The following WFDC5 variants were observed in gnomAD, a reference collection of about 807,000 sequenced individuals.
WFDC5 encodes WAP four-disulfide core domain 5.
In WFDC5, 15 loss-of-function variants were observed where a neutral mutation model predicts 15.7. The ratio of observed to expected loss-of-function variants is 0.96; its 90% confidence interval spans 0.64 to 1.47. The LOEUF is 1.47. Ranked by LOEUF, WFDC5 falls within the 40% of genes most tolerant of loss-of-function variation. WFDC5 has a pLI of 0.00. For missense variants in WFDC5, 280 were observed against 258.0 expected, an observed-to-expected ratio of 1.09 and a Z score of -0.59; for synonymous variants, 109 against 107.7, an observed-to-expected ratio of 1.01 and a Z score of -0.07.
chr20:45,115,016 A>G, exon 1 of WFDC5: 1 of 1,613,710 alleles, frequency 6.2e-7, no homozygotes, highest in Non-Finnish European at 8.5e-7. Flanking sequence ...CTTCCTGCCA[A>G]AGACAGCAGG....
At chr20:45,112,514 C>T (rs1190659939) in intron 1 of WFDC5, among the ~76,000 whole-genome samples, 1 of 152,170 alleles carries the variant, frequency 6.6e-6, no homozygotes, top group Non-Finnish European at 1.5e-5. Context: ...CCTGCCTTTC[C>T]TAACAGTCCC....
chr20:45,110,458 C>A (rs768012579), exon 3 of WFDC5: 3 of 1,613,824 alleles, frequency 1.9e-6, no homozygotes, highest in Non-Finnish European at 2.5e-6. Flanking sequence ...GCTTTTTGCC[C>A]GAGCAGTCTG....
At chr20:45,110,860 T>A in intron 1 of WFDC5, 85 bp from the exon 2 acceptor site, 1 of 1,553,158 alleles carries the variant, frequency 6.4e-7, no homozygotes. Flanking sequence ...AAGACTGAAT[T>A]CTCCATCCCT....
chr20:45,115,140 G>A (rs1981726824), exon 1 of WFDC5: 4 of 1,541,888 alleles, frequency 2.6e-6, no homozygotes, highest in Middle Eastern at 1.7e-4. Context: ...GCAGCCTCAG[G>A]GAAGCCAGAG....
At chr20:45,115,229 C>G (rs1981732469), upstream of WFDC5, 3 of 677,606 alleles carry the variant, frequency 4.4e-6, no homozygotes, top group Non-Finnish European at 4.9e-6. Flanking sequence ...CCCCTGAGGG[C>G]CCGAGGACTC....
intron 1 of WFDC5, among the ~76,000 whole-genome samples, chr20:45,113,762 G>A (rs1981681690): frequency 1.3e-5 from 2 of 152,080 alleles, no homozygotes; most frequent in Non-Finnish European, 2.9e-5. Flanking sequence ...GCATTGTCCT[G>A]TACAGTCCTG....
exon 1 of WFDC5, chr20:45,115,063 G>A: frequency 6.2e-7 from 1 of 1,613,356 alleles, no homozygotes; most frequent in Non-Finnish European, 8.5e-7. Flanking sequence ...CCCCCAGGAG[G>A]AGAAGGCTCT....
At chr20:45,114,817 A>G (rs1196710036) in intron 1 of WFDC5, among the ~76,000 whole-genome samples, 182 bp downstream of exon 1, 3 of 151,978 alleles carry the variant, frequency 2.0e-5, no homozygotes, top group Non-Finnish European at 4.4e-5. Flanking sequence ...GTACACACAT[A>G]AAAACACAGG....
intron 1 of WFDC5, 104 bp downstream of exon 1, chr20:45,114,895 A>C (rs1263492633): frequency 1.4e-5 from 18 of 1,242,102 alleles, no homozygotes; most frequent in Middle Eastern, 3.8e-4. Flanking sequence ...ACACACGCGC[A>C]CACACACCCC....
upstream of WFDC5, among the ~76,000 whole-genome samples, chr20:45,116,091 C>T (rs760365325): frequency 5.9e-4 from 90 of 152,188 alleles, no homozygotes; most frequent in Non-Finnish European, 1.1e-3. Flanking sequence ...CACCCTCATT[C>T]AGTTCCTGGG....
exon 4 of WFDC5, chr20:45,109,673 C>A: frequency 1.4e-6 from 1 of 694,832 alleles, no homozygotes. Flanking sequence ...AGGTCAGGGT[C>A]TGCCTGAATT....
chr20:45,110,379 C>A (rs776918291), exon 3 of WFDC5: 1 of 1,583,908 alleles, frequency 6.3e-7, no homozygotes. Context: ...GGCACCTGCC[C>A]TGGGCACCCA....
At chr20:45,112,610 T>C (rs1036795517) in intron 1 of WFDC5, among the ~76,000 whole-genome samples, 1 of 152,118 alleles carries the variant, frequency 6.6e-6, no homozygotes, top group African/African-American at 2.4e-5. Context: ...GCCATGGGTG[T>C]GTAGACTTAG....
chr20:45,115,073 TG>T lies in WFDC5; in HGVS notation c.10del (p.Gln4ArgfsTer54). ...GAGGGCCCCCAGGAGGAGAAGGCTC[TG>T]GGTCCTCATATTTCTGCTGCCGGCT... On this transcript the variant is annotated frameshift_variant, in exon 1 of 4. Coordinates refer to ENST00000307971, the Ensembl canonical transcript of WFDC5. LOFTEE classifies it high-confidence loss of function. The T allele has an allele frequency of 6.2e-7, 1 of 1,613,072 alleles. No homozygotes were observed.
At position 45,110,751 on chromosome 20, in the gene WFDC5, T is replaced by G. The variant is rs908969669; in HGVS notation, c.110A>C (p.Asp37Ala). The G allele has an allele frequency of 6.8e-6, 11 of 1,614,014 alleles. No individual in the cohort carries two copies. The highest frequency in any genetic ancestry group is 9.3e-6 in the Non-Finnish European group (11 of 1,180,036). ...CACCGATAGGAGGCAGGGCCCATCA[T>G]CTGGCGGGCAGCCCCCCGATTTCTC... Residue 37 changes from aspartate (D) to alanine (A), a missense_variant, in exon 2 of 4, where the codon GAT becomes GCT. By Grantham distance (126) the Asp-to-Ala change is moderately radical. Coordinates refer to ENST00000307971, the Ensembl canonical transcript of WFDC5.
intron 1 of WFDC5, among the ~76,000 whole-genome samples, chr20:45,113,102 C>A (rs541574130): frequency 1.8e-4 from 27 of 152,304 alleles, no homozygotes; most frequent in Non-Finnish European, 3.2e-4. Flanking sequence ...ACACATATAT[C>A]TTCCCAATAC....
At chr20:45,110,771 T>C (rs1981596183) in exon 2 of WFDC5, 3 of 1,613,986 alleles carry the variant, frequency 1.9e-6, no homozygotes, top group Non-Finnish European at 2.5e-6. Context: ...AGCCCCCCGA[T>C]TTCTCTGTAA....
chr20:45,109,522 G>A (rs935126608), exon 4 of WFDC5: 29 of 540,436 alleles, frequency 5.4e-5, no homozygotes, highest in Non-Finnish European at 9.3e-5. Context: ...AAAACATTAA[G>A]TAAATGGTGG....
At chr20:45,115,952 G>A (rs138291102), upstream of WFDC5, among the ~76,000 whole-genome samples, 7 of 152,268 alleles carry the variant, frequency 4.6e-5, no homozygotes, top group East Asian at 1.9e-4. Context: ...AAACTCCATC[G>A]AAGTACATTC....
Sources: allele counts gnomAD v4.1 joint callset (sites outside exome capture counted in the v4.1 genomes callset), GRCh38; gene constraint gnomAD v4.1.1; transcripts MANE v1.5; gene names NCBI Gene and HGNC (gene_info 2026-07-23, HGNC 2026-07-21).